Variants in CKMT2 observed in about 807,000 individuals in gnomAD.
CKMT2 encodes the protein creatine kinase, mitochondrial 2, also known as creatine kinase S-type, mitochondrial.
Under a neutral mutation model 48.9 loss-of-function variants are expected in CKMT2, and 43 were observed. The observed-to-expected ratio is 0.88, with a 90% CI of 0.69 to 1.13. The LOEUF (loss-of-function observed/expected upper bound fraction) is 1.13. Among genes scored for constraint, CKMT2 ranks in the 50% most tolerant of loss-of-function variants. CKMT2 has a pLI of 0.00. For missense variants in CKMT2, 472 were observed against 555.4 expected (o/e 0.85, Z 1.51); for synonymous variants, 206 against 213.0 (o/e 0.97, Z 0.29).
chr5:81,242,462 G>T, intron 1 of CKMT2: 1 of 508,118 alleles, frequency 2.0e-6, no homozygotes, highest in South Asian at 1.6e-5. Context: ...TACAGAGGTC[G>T]CCTACTCATT....
chr5:81,242,630 T>G (rs953516821), intron 1 of CKMT2: 6 of 301,508 alleles, frequency 2.0e-5, no homozygotes, highest in African/African-American at 4.3e-5. Context: ...AGCCAAACAT[T>G]GACGCTGAGA....
At chr5:81,256,097 G>C (rs10514215) in intron 5 of CKMT2, among the ~76,000 whole-genome samples, 43,186 of 151,936 alleles carry the variant, frequency 0.28, 6,481 homozygotes, top group Admixed American at 0.39. Flanking sequence ...GGTCTCTTAC[G>C]TGTGTAATCA....
intron 8 of CKMT2, among the ~76,000 whole-genome samples, chr5:81,262,625 C>A (rs1036611569): frequency 2.0e-5 from 3 of 152,020 alleles, no homozygotes; most frequent in Non-Finnish European, 4.4e-5. Flanking sequence ...TAAAACCACA[C>A]CGAGATACCA....
At chr5:81,247,508 G>A (rs955741674) in intron 1 of CKMT2, among the ~76,000 whole-genome samples, 5 of 152,214 alleles carry the variant, frequency 3.3e-5, no homozygotes, top group Non-Finnish European at 7.3e-5. Flanking sequence ...ACAGGGAAAT[G>A]TGTAAGACAA....
At chr5:81,259,354 C>T (rs1405225324) in intron 8 of CKMT2, 100 bp downstream of exon 8, 17 of 1,022,490 alleles carry the variant, frequency 1.7e-5, no homozygotes, top group African/African-American at 3.3e-5. Flanking sequence ...TTAACCCTTA[C>T]TTTCTCTATC....
intron 1 of CKMT2, among the ~76,000 whole-genome samples, chr5:81,245,867 C>T (rs991643523): frequency 1.3e-5 from 2 of 152,160 alleles, no homozygotes; most frequent in Admixed American, 6.5e-5. Context: ...ACTGCTCCCC[C>T]ACCAGTGGGC....
chr5:81,257,681 G>A, intron 6 of CKMT2, 52 bp from the exon 7 acceptor site: 1 of 1,540,186 alleles, frequency 6.5e-7, no homozygotes, highest in Admixed American at 1.9e-5. Context: ...GAATTTTCAT[G>A]TGTTGAAACA....
At position 81,266,309 on chromosome 5, in the gene CKMT2, T is replaced by A; in HGVS notation, c.*51T>A. On this transcript the variant is annotated 3_prime_UTR_variant, in exon 10 of 10. Coordinates refer to ENST00000254035, the MANE Select transcript of CKMT2 (RefSeq NM_001099735.2). ...AATCTGTCTGCTGGTACGACAGACA[T>A]AAATCTCTACTCTGAGAGTTTTTAT... The A allele has an allele frequency of 6.4e-7, 1 of 1,570,478 alleles. No homozygotes were observed. Among genetic ancestry groups the A allele is most frequent in the South Asian group, 1.1e-5 (1 of 89,326 alleles).
chr5:81,251,181 C>T lies in CKMT2; in HGVS notation c.49C>T (p.Leu17=), dbSNP rs772050353. ...KLLTGRNASL[L]FATMGTSVLT... ...GCTAACTGGCCGCAATGCTTCTCTG[C>T]TGTTTGCTACCATGGGCACCAGTGT... Residue 17 remains leucine, a synonymous_variant, in exon 2 of 10, where the codon CTG becomes TTG. Transcript: ENST00000254035. 6.2e-7 allele frequency: 1 copy of T among 1,614,124 alleles called. No homozygotes were observed. The highest frequency in any genetic ancestry group is 8.5e-7 in the Non-Finnish European group (1 of 1,179,960).
At chr5:81,244,033 C>A in intron 1 of CKMT2, 2 of 985,348 alleles carry the variant, frequency 2.0e-6, no homozygotes, top group Non-Finnish European at 2.4e-6. Context: ...CCTCTTTCCC[C>A]AAAAATAGAT....
chr5:81,235,162 A>G (rs1756209915), intron 1 of CKMT2, among the ~76,000 whole-genome samples: 1 of 152,212 alleles, frequency 6.6e-6, no homozygotes, highest in African/African-American at 2.4e-5. Flanking sequence ...CAGGAGGCCT[A>G]GGAAAGGCCT....
chr5:81,255,259 C>T, intron 5 of CKMT2, 45 bp downstream of exon 5: 2 of 1,548,990 alleles, frequency 1.3e-6, no homozygotes, highest in Admixed American at 1.7e-5. Flanking sequence ...GGACCAAGGG[C>T]TCTGACCCGC....
Position 81,266,198 on chromosome 5 carries a change from G to A in CKMT2, c.1200G>A (p.Lys400=). ...GVNYLVDCEK[K]LERGQDIKVP... The stretch of plus-strand genomic sequence containing the variant: ...ATTACCTGGTGGATTGTGAAAAGAA[G>A]TTGGAGAGAGGCCAAGATATTAAGG... The change falls in exon 10 of 10, where the codon AAG becomes AAA. Residue 400 remains lysine, a synonymous_variant. Transcript: ENST00000254035. 3.1e-6 allele frequency: 5 copies of A among 1,613,450 alleles called. No homozygotes were observed. Among genetic ancestry groups the A allele is most frequent in the Middle Eastern group, 3.3e-4 (2 of 6,056 alleles).
Position 81,266,300 on chromosome 5 carries a change from C to G in CKMT2, c.*42C>G, listed in dbSNP as rs747002283. ...TTTATAAATAATCTGTCTGCTGGTA[C>G]GACAGACATAAATCTCTACTCTGAG... On this transcript the variant is annotated 3_prime_UTR_variant, in exon 10 of 10. Coordinates refer to ENST00000254035, the MANE Select transcript of CKMT2 (RefSeq NM_001099735.2). 2 of 1,599,262 alleles carry G rather than the reference C, an allele frequency of 1.3e-6. No homozygotes were observed. The highest frequency in any genetic ancestry group is 1.7e-6 in the Non-Finnish European group (2 of 1,168,852).
intron 1 of CKMT2, 131 bp from the exon 2 acceptor site, chr5:81,250,978 CAGAA>C (rs1378891485): frequency 7.7e-6 from 5 of 646,482 alleles, no homozygotes; most frequent in South Asian, 3.7e-5. Flanking sequence ...CACACACACA[CAGAA>C]AGAGAGAGAG....
intron 7 of CKMT2, among the ~76,000 whole-genome samples, chr5:81,258,621 G>A (rs1213713574): frequency 3.3e-5 from 5 of 152,130 alleles, no homozygotes; most frequent in African/African-American, 4.8e-5. Flanking sequence ...GAACTGGGCC[G>A]CACAGCAGGA....
intron 5 of CKMT2, among the ~76,000 whole-genome samples, chr5:81,255,676 G>C (rs1470765837): frequency 6.6e-6 from 1 of 152,150 alleles, no homozygotes; most frequent in East Asian, 1.9e-4. Flanking sequence ...GCATTTCCTG[G>C]TGGGGTTGAT....
intron 7 of CKMT2, 143 bp from the exon 8 acceptor site, chr5:81,258,977 T>C (rs1190196085): frequency 5.5e-6 from 4 of 727,920 alleles, no homozygotes; most frequent in Non-Finnish European, 8.8e-6. Context: ...GGTATTATTT[T>C]CTCTTAAAGG....
Position 81,259,243 on chromosome 5 carries a change from A to C in CKMT2, c.1003A>C (p.Lys335Gln). 6.2e-7 allele frequency: 1 copy of C among 1,613,848 alleles called. No individual in the cohort carries two copies. Among genetic ancestry groups the C allele is most frequent in the Non-Finnish European group, 8.5e-7 (1 of 1,179,842 alleles). ...LRAGVHVRIP[K>Q]LSKDPRFSKI... The stretch of plus-strand genomic sequence containing the variant: ...AGCTGGTGTCCACGTTAGGATCCCA[A>C]AGCTCAGCAAGGTACTGTTATGTGC... Residue 335 changes from lysine to glutamine, a missense_variant, in exon 8 of 10, where the codon AAG becomes CAG. By Grantham distance (53) the Lys-to-Gln change is moderately conservative. Coordinates refer to ENST00000254035, the MANE Select transcript of CKMT2 (RefSeq NM_001099735.2).
Sources: gnomAD v4.1 joint callset for allele counts (sites outside exome capture counted in the v4.1 genomes callset) on GRCh38, gnomAD v4.1.1 for gene constraint, MANE v1.5 for transcripts, NCBI Gene and HGNC (gene_info 2026-07-23, HGNC 2026-07-21) for gene names.